The following KCNK5 variants were observed in gnomAD, a reference collection of about 807,000 sequenced individuals.
The protein encoded by KCNK5 is potassium two pore domain channel subfamily K member 5.
KCNK5 carries 18 observed loss-of-function variants against 32.9 expected under a neutral mutation model. That is an observed-to-expected ratio of 0.55 (90% CI 0.38 to 0.81). KCNK5 has a LOEUF of 0.81. KCNK5 is among the 30% of genes least tolerant of loss of function. KCNK5 has a pLI of 0.00. For synonymous variants in KCNK5, 276 were observed against 275.3 expected, an observed-to-expected ratio of 1.00 and a Z score of -0.03; for missense variants, 507 against 651.0, an observed-to-expected ratio of 0.78 and a Z score of 2.41.
chr6:39,219,152 C>A (rs2561399), intron 1 of KCNK5, among the ~76,000 whole-genome samples: 4 of 151,984 alleles, frequency 2.6e-5, no homozygotes, highest in South Asian at 2.1e-4. Context: ...CTGCCTGGGC[C>A]TTATTTCACA....
At chr6:39,201,724 G>A (rs1198707796) in intron 1 of KCNK5, among the ~76,000 whole-genome samples, 4 of 152,170 alleles carry the variant, frequency 2.6e-5, no homozygotes, top group Non-Finnish European at 5.9e-5. Context: ...AGGGGTGTGG[G>A]CATGGCTATT....
intron 1 of KCNK5, among the ~76,000 whole-genome samples, chr6:39,204,673 C>T (rs1384212508): frequency 6.6e-6 from 1 of 152,214 alleles, no homozygotes; most frequent in Non-Finnish European, 1.5e-5. Flanking sequence ...TTATGTTCAG[C>T]CAAGTTTCAA....
chr6:39,205,828 C>T (rs1489147231), intron 1 of KCNK5, among the ~76,000 whole-genome samples: 5 of 152,170 alleles, frequency 3.3e-5, no homozygotes, highest in African/African-American at 1.2e-4. Flanking sequence ...AGCTCTAGCC[C>T]AAGCCCCTGC....
chr6:39,213,760 T>C (rs1025999379), intron 1 of KCNK5, among the ~76,000 whole-genome samples: 5 of 152,132 alleles, frequency 3.3e-5, no homozygotes, highest in Non-Finnish European at 4.4e-5. Flanking sequence ...GAGGCTGAGG[T>C]GGGCGGATCA....
At chr6:39,218,559 C>T (rs535943005) in intron 1 of KCNK5, among the ~76,000 whole-genome samples, 5 of 152,234 alleles carry the variant, frequency 3.3e-5, no homozygotes, top group African/African-American at 1.2e-4. Flanking sequence ...GGCTGCCAGA[C>T]CTCCCAGAGT....
chr6:39,211,479 C>T (rs559630565), intron 1 of KCNK5, among the ~76,000 whole-genome samples: 6 of 152,226 alleles, frequency 3.9e-5, no homozygotes, highest in South Asian at 2.1e-4. Context: ...TGAAAGCTGA[C>T]GAGGCGCAGA....
At chr6:39,222,585 A>G (rs184170862) in intron 1 of KCNK5, among the ~76,000 whole-genome samples, 2,076 of 152,306 alleles carry the variant, frequency 0.014, 50 homozygotes, top group African/African-American at 0.047. Flanking sequence ...GCCTGTGGCT[A>G]CAGCCTGTTG....
intron 1 of KCNK5, among the ~76,000 whole-genome samples, chr6:39,215,957 G>GCAGC (rs1220854789): frequency 1.3e-5 from 2 of 152,210 alleles, no homozygotes; most frequent in Non-Finnish European, 2.9e-5. Flanking sequence ...CTGAGCTGTG[G>GCAGC]CAGCCACTTA....
intron 1 of KCNK5, among the ~76,000 whole-genome samples, chr6:39,207,908 G>C (rs1202364491): frequency 2.0e-5 from 3 of 152,108 alleles, no homozygotes; most frequent in Non-Finnish European, 1.5e-5. Flanking sequence ...CTGGGAGGAA[G>C]CTGGCTCCTG....
rs916878786 is a variant in KCNK5 at position 39,194,708 on chromosome 6, G to A, written c.351C>T (p.Phe117=). The A allele has an allele frequency of 1.2e-6, 2 of 1,614,046 alleles. No individual in the cohort carries two copies. The highest frequency in any genetic ancestry group is 2.7e-5 in the African/African-American group (2 of 74,908). The change falls in exon 3 of 5, where the codon TTC becomes TTT. Residue 117 remains phenylalanine (F), a synonymous_variant. Coordinates refer to ENST00000359534, the MANE Select transcript of KCNK5 (RefSeq NM_003740.4). The surrounding 1 kb of genome is among the most constrained non-coding windows in gnomAD (Gnocchi z 4.7). ...AGAGCGGCACCCCGAAGAGACCATA[G>A]AAAACACAGAAGAGGCGACCGGCGG... ...KTPAGRLFCV[F]YGLFGVPLCL...
rs112008494 is a variant in KCNK5, at chr6:39,204,374, T to C, written c.187-8387A>G. Among the ~76,000 whole-genome samples the C allele has an allele frequency of 8.9e-3, 1,351 of 152,374 alleles. 26 individuals are homozygous for C. The highest frequency in any genetic ancestry group is 0.031 in the African/African-American group (1,270 of 41,584). ...TGATTGCTTTGCCTGCCTGCTTCTC[T>C]GTACAATGAGGAGGTTGGACTATGA... On this transcript the variant is annotated intron_variant, in intron 1 of 4. Coordinates refer to ENST00000359534, the MANE Select transcript of KCNK5 (RefSeq NM_003740.4).
intron 1 of KCNK5, among the ~76,000 whole-genome samples, chr6:39,201,608 T>C (rs1171147794): frequency 1.3e-5 from 2 of 152,136 alleles, no homozygotes; most frequent in African/African-American, 4.8e-5. Flanking sequence ...GATGGTAAAA[T>C]TGGGCCCTGG....
At chr6:39,204,771 A>T (rs899966440) in intron 1 of KCNK5, among the ~76,000 whole-genome samples, 1 of 152,214 alleles carries the variant, frequency 6.6e-6, no homozygotes, top group Admixed American at 6.5e-5. Context: ...CAGGCTGTGC[A>T]TGCACACAGG....
Position 39,229,025 on chromosome 6 carries a change from TG to T in KCNK5, c.86del (p.Pro29HisfsTer33). 2 of 1,614,162 alleles carry T rather than the reference TG, an allele frequency of 1.2e-6. No homozygotes were observed. Among genetic ancestry groups the T allele is most frequent in the Non-Finnish European group, 1.7e-6 (2 of 1,180,006 alleles). On this transcript the variant is annotated frameshift_variant, in exon 1 of 5. Coordinates refer to ENST00000359534, the MANE Select transcript of KCNK5 (RefSeq NM_003740.4). LOFTEE classifies it high-confidence loss of function. ...AGTTTTTCTTGGCCTCCTTCCAGTG[TG>T]GCTCCTCCAGCACTTCGAAGATCGC... The part of the protein sequence containing the change: ...GAAIFEVLEE[P>X]HWKEAKKNYY...
At chr6:39,228,531 G>C (rs866801853) in intron 1 of KCNK5, among the ~76,000 whole-genome samples, 1 of 152,178 alleles carries the variant, frequency 6.6e-6, no homozygotes, top group African/African-American at 2.4e-5. Context: ...GTGGAGACAC[G>C]AGGGGATGGC....
At chr6:39,214,223 C>CT (rs1313907746) in intron 1 of KCNK5, among the ~76,000 whole-genome samples, 6 of 152,124 alleles carry the variant, frequency 3.9e-5, no homozygotes, top group Non-Finnish European at 8.8e-5. Context: ...AAGTACCTGC[C>CT]TCGGCTGTGG....
At chr6:39,215,334 G>T (rs185308488) in intron 1 of KCNK5, among the ~76,000 whole-genome samples, 80 of 152,278 alleles carry the variant, frequency 5.3e-4, no homozygotes, top group African/African-American at 1.9e-3. Flanking sequence ...GCTCTGAAGG[G>T]GGCAGGGATG....
rs143000521 is a variant in KCNK5 at position 39,224,502 on chromosome 6, GA to G, written c.186+4423del. Among the ~76,000 whole-genome samples, 879 of 152,282 alleles carry G rather than the reference GA, an allele frequency of 5.8e-3. 4 individuals carry two copies. The highest frequency in any genetic ancestry group is 0.02 in the African/African-American group (831 of 41,538). ...CAGGATTGGTGTTAAAAGAGTGCCAGAACCTCAAAATTGGAACTAGCCTTAC... is the reference window on the plus strand; with the variant it reads ...CAGGATTGGTGTTAAAAGAGTGCCAGACCTCAAAATTGGAACTAGCCTTAC... On this transcript the variant is annotated intron_variant, in intron 1 of 4. Coordinates refer to ENST00000359534, the MANE Select transcript of KCNK5 (RefSeq NM_003740.4).
At chr6:39,212,983 C>A (rs751149355) in intron 1 of KCNK5, among the ~76,000 whole-genome samples, 48 of 152,286 alleles carry the variant, frequency 3.2e-4, no homozygotes, top group Non-Finnish European at 4.0e-4. Flanking sequence ...ATACAGTCCC[C>A]GGGAACCAAT....
Sources: gnomAD v4.1 joint callset for allele counts (sites outside exome capture counted in the v4.1 genomes callset) on GRCh38, gnomAD v4.1.1 for gene constraint, Gnocchi (gnomAD v3.1) non-coding constraint, MANE v1.5 for transcripts, NCBI Gene and HGNC (gene_info 2026-07-23, HGNC 2026-07-21) for gene names.